Variants in BTBD2 observed in about 807,000 individuals in gnomAD.
The protein encoded by BTBD2 is BTB/POZ domain-containing protein 2.
In BTBD2, 15 loss-of-function variants were observed where a neutral mutation model predicts 44.0. The ratio of observed to expected loss-of-function variants is 0.34; its 90% CI spans 0.23 to 0.53. BTBD2 has a LOEUF of 0.53. Ranked by LOEUF, BTBD2 falls within the 20% of genes least tolerant of loss-of-function variation. The probability of loss-of-function intolerance (pLI) is 0.95; values close to 1 mark genes in which losing one functional copy is unlikely to be tolerated. For missense variants in BTBD2, 657 were observed against 746.4 expected (o/e 0.88, Z 1.39); for synonymous variants, 443 against 335.9 (o/e 1.32, Z -3.49).
Position 1,986,836 on chromosome 19 carries a change from C to T in BTBD2, c.1410G>A (p.Thr470=), listed in dbSNP as rs576059333. ...LPNVNYTACA[T]LKGPDSHYGT... ...CCTGTCCCCGGCGGCGCACCTTGAG[C>T]GTGGCACAGGCCGTGTAGTTGACGT... Residue 470 remains threonine (T), a synonymous_variant, in exon 8 of 9, where the codon ACG becomes ACA. Coordinates refer to ENST00000255608, the MANE Select transcript of BTBD2 (RefSeq NM_017797.4). 3.8e-5 allele frequency: 61 copies of T among 1,606,210 alleles called. No homozygotes were observed. Among genetic ancestry groups the T allele is most frequent in the Middle Eastern group, 3.3e-4 (2 of 5,994 alleles).
chr19:2,002,144 C>T (rs1049972305), intron 1 of BTBD2, among the ~76,000 whole-genome samples: 4 of 152,104 alleles, frequency 2.6e-5, no homozygotes, highest in African/African-American at 9.7e-5. Context: ...TGCAGTGGCA[C>T]GATCATAGCT....
Position 1,990,020 on chromosome 19 carries a change from G to C in BTBD2, c.972C>G (p.Ile324Met), listed in dbSNP as rs781043832. ...CTCTGTTACCTGCAGCGAACTCCTC[G>C]ATGGTCATGAGCGGGAAGCGAATGA... ...LGLIRFPLMTIEEFAAGPAQS... is the reference protein window; with the variant it reads ...LGLIRFPLMTMEEFAAGPAQS... Residue 324 changes from isoleucine to methionine, a missense_variant, in exon 5 of 9, where the codon ATC becomes ATG. By Grantham distance (10) the Ile-to-Met change is conservative. Coordinates refer to ENST00000255608, the MANE Select transcript of BTBD2 (RefSeq NM_017797.4). 1.9e-6 allele frequency: 3 copies of C among 1,613,330 alleles called. No homozygotes were observed. Among genetic ancestry groups the C allele is most frequent in the East Asian group, 2.2e-5 (1 of 44,886 alleles).
intron 4 of BTBD2, 37 bp downstream of exon 4, chr19:1,990,674 AGGCCCC>A: frequency 1.4e-6 from 2 of 1,466,936 alleles, no homozygotes; most frequent in Non-Finnish European, 1.8e-6. Flanking sequence ...CCTCCCGCCG[AGGCCCC>A]GCTGGGATTC....
Position 1,986,070 on chromosome 19 carries a change from A to ATG in BTBD2, c.*417_*418insCA, listed in dbSNP as rs2016075138. ...GACCCACGGCTCTGGGAGCAGCGCC[A>ATG]CCCAGGCTGGCTCCTAGCAGAGAAA... On this transcript the variant is annotated 3_prime_UTR_variant, in exon 9 of 9. Transcript: ENST00000255608. 1 of 185,650 alleles carries ATG rather than the reference A, an allele frequency of 5.4e-6. No individual in the cohort carries two copies. The highest frequency in any genetic ancestry group is 2.4e-5 in the African/African-American group (1 of 42,174). The allele number at this position is 185,650 out of a possible 1,614,324, so 11.5% of individuals were successfully genotyped here. A position where few individuals can be genotyped will look rare whatever the true frequency, so the allele number is the denominator to read the frequency against.
At chr19:2,006,248 G>A (rs117313229) in intron 1 of BTBD2, among the ~76,000 whole-genome samples, 1 of 152,124 alleles carries the variant, frequency 6.6e-6, no homozygotes, top group Non-Finnish European at 1.5e-5. Flanking sequence ...TGGCACATGA[G>A]TGCCTAGTAT....
chr19:2,003,396 C>T (rs1310902336), intron 1 of BTBD2: 1 of 151,934 alleles, frequency 6.6e-6, no homozygotes, highest in Admixed American at 6.6e-5. Flanking sequence ...CTTGCTTGAA[C>T]CCAGGAGGTG....
chr19:1,988,148 C>T (rs35247474), intron 5 of BTBD2: 52,996 of 163,502 alleles, frequency 0.32, 8,966 homozygotes, highest in East Asian at 0.56. Flanking sequence ...TTCCTCTCCA[C>T]GGTGGGCCCT....
rs775162413 is a variant in BTBD2 at position 1,986,603 on chromosome 19, T to C, written c.1463A>G (p.His488Arg). Residue 488 changes from histidine (H) to arginine (R), a missense_variant, in exon 9 of 9, where the codon CAC becomes CGC. His to Arg is a conservative substitution (Grantham distance 29). Around this residue, in one of 3 missense-constraint regions of BTBD2, gnomAD observed 449 missense variants for 510.9 expected, o/e 0.88. Transcript: ENST00000255608. ...YGTKGLRKVT[H>R]ESPTTGAKTC... ...CTTGGCGCCCGTGGTGGGCGACTCG[T>C]GTGTCACCTTGCGCAGGCCTTTGGT... 6.7e-5 allele frequency: 108 copies of C among 1,613,762 alleles called. No homozygotes were observed. Among genetic ancestry groups the C allele is most frequent in the Non-Finnish European group, 8.7e-5 (103 of 1,179,890 alleles).
At chr19:2,002,239 C>T (rs1201552713) in intron 1 of BTBD2, among the ~76,000 whole-genome samples, 1 of 152,164 alleles carries the variant, frequency 6.6e-6, no homozygotes, top group Non-Finnish European at 1.5e-5. Context: ...AGCCACAATG[C>T]CCAGCTAACT....
chr19:2,015,175 A>C lies in BTBD2; in HGVS notation c.407+122T>G, dbSNP rs562516553. ...AGGGGTCCCGGGGACAGAGGGGTGCAGGGCTCGGGGATGGAGGGGTGCGGG... is the reference window on the plus strand; with the variant it reads ...AGGGGTCCCGGGGACAGAGGGGTGCCGGGCTCGGGGATGGAGGGGTGCGGG... On this transcript the variant is annotated intron_variant, in intron 1 of 8. Transcript: ENST00000255608. 7 of 1,205,564 alleles carry C rather than the reference A, an allele frequency of 5.8e-6. No homozygotes were observed. In the East Asian group the frequency reaches 2.6e-4, roughly 44 times the overall value. 74.7% of individuals were successfully genotyped at this position (1,205,564 alleles called of 1,614,324 possible). A position where few individuals can be genotyped will look rare whatever the true frequency, so the allele number is the denominator to read the frequency against.
intron 1 of BTBD2, among the ~76,000 whole-genome samples, chr19:2,010,994 G>A (rs574194727): frequency 4.9e-4 from 74 of 152,106 alleles, no homozygotes; most frequent in African/African-American, 1.2e-3. Flanking sequence ...GCAACCCATC[G>A]GGTCCGTTTG....
intron 6 of BTBD2, 79 bp downstream of exon 6, chr19:1,987,421 T>A: frequency 1.0e-5 from 7 of 680,532 alleles, no homozygotes; most frequent in Non-Finnish European, 1.5e-5. Flanking sequence ...TCCACCCCCA[T>A]GCCCGGCCCC....
chr19:1,990,869 A>G (rs2016167527), intron 3 of BTBD2, 47 bp from the exon 4 acceptor site: 6 of 1,475,830 alleles, frequency 4.1e-6, no homozygotes, highest in Non-Finnish European at 5.5e-6. Context: ...ATCAGCACCC[A>G]GCCCTCGGCA....
At chr19:2,005,954 G>A (rs2016389238) in intron 1 of BTBD2, among the ~76,000 whole-genome samples, 1 of 151,890 alleles carries the variant, frequency 6.6e-6, no homozygotes, top group Non-Finnish European at 1.5e-5. Context: ...CGAGCATAGT[G>A]GTGCATGTCT....
chr19:2,015,505 T>G lies in BTBD2; in HGVS notation c.199A>C (p.Thr67Pro). 4 of 1,025,398 alleles carry G rather than the reference T, an allele frequency of 3.9e-6. No individual in the cohort carries two copies. The highest frequency in any genetic ancestry group is 1.8e-5 in the African/African-American group (1 of 56,172). The allele number at this position is 1,025,398 out of a possible 1,614,324, so 63.5% of individuals were successfully genotyped here. ...PTPPAPPGPG[T>P]DAQAAGAERA... ...TCCGCGCCCGCGGCCTGCGCGTCTGTCCCGGGGCCCGGCGGGGCGGGCGGC... is the reference window on the plus strand; with the variant it reads ...TCCGCGCCCGCGGCCTGCGCGTCTGGCCCGGGGCCCGGCGGGGCGGGCGGC... The change falls in exon 1 of 9, where the codon ACA becomes CCA. Residue 67 changes from threonine (T) to proline (P), a missense_variant. By Grantham distance (38) the Thr-to-Pro change is conservative. Transcript: ENST00000255608.
chr19:1,999,830 T>C (rs141872563), intron 1 of BTBD2, among the ~76,000 whole-genome samples: 11,677 of 151,656 alleles, frequency 0.077, 553 homozygotes, highest in African/African-American at 0.13. Context: ...GGCGTGGTGG[T>C]GGGTGCCTGT....
intron 5 of BTBD2, chr19:1,987,928 G>A (rs1036556494): frequency 3.3e-5 from 18 of 547,188 alleles, no homozygotes; most frequent in Admixed American, 3.4e-5. Context: ...CAGGGGCGAT[G>A]CCTCAGGGTC....
At chr19:2,010,437 C>T (rs189171050) in intron 1 of BTBD2, among the ~76,000 whole-genome samples, 25 of 152,288 alleles carry the variant, frequency 1.6e-4, no homozygotes, top group East Asian at 5.8e-4. Flanking sequence ...CCCTGCGCGA[C>T]GGTCCAGACA....
chr19:1,993,212 C>T (rs1238115486), intron 2 of BTBD2, 36 bp from the exon 3 acceptor site: 7 of 1,572,582 alleles, frequency 4.5e-6, no homozygotes, highest in South Asian at 2.3e-5. Flanking sequence ...GAGGTGGGAC[C>T]GCCATGCCCG....
Sources: allele counts gnomAD v4.1 joint callset (sites outside exome capture counted in the v4.1 genomes callset), GRCh38; gene constraint gnomAD v4.1.1; regional missense constraint gnomAD v4.1.1; transcripts MANE v1.5; gene names NCBI Gene and HGNC (gene_info 2026-07-23, HGNC 2026-07-21).